Variants in SLC35F1 observed in about 807,000 individuals in gnomAD.
SLC35F1 encodes the protein chromosome 6 open reading frame 169.
A neutral mutation model predicts 48.7 loss-of-function variants in SLC35F1; 14 were observed. The observed-to-expected ratio is 0.29, with a 90% confidence interval of 0.19 to 0.45. The LOEUF (loss-of-function observed/expected upper bound fraction) is 0.45. Ranked by LOEUF, SLC35F1 falls within the 20% of genes least tolerant of loss-of-function variation. The probability of loss-of-function intolerance (pLI) is 1.00; values close to 1 mark genes in which losing one functional copy is unlikely to be tolerated. For synonymous variants in SLC35F1, 190 were observed against 202.2 expected (o/e 0.94, Z 0.51); for missense variants, 404 against 500.0 (o/e 0.81, Z 1.83).
intron 1 of SLC35F1, among the ~76,000 whole-genome samples, chr6:118,141,474 G>A (rs1223825417): frequency 6.6e-6 from 1 of 152,114 alleles, no homozygotes; most frequent in African/African-American, 2.4e-5. Context: ...CCATAGACTG[G>A]GTGGCTTATA....
Position 118,154,637 on chromosome 6 carries a change from A to T in SLC35F1, c.349+17A>T. 1 of 1,586,474 alleles carries T rather than the reference A, an allele frequency of 6.3e-7. No individual in the cohort carries two copies. Among genetic ancestry groups the T allele is most frequent in the African/African-American group, 1.4e-5 (1 of 73,936 alleles). Reference sequence around the variant, plus strand: ...TCAGACAAGGTAAGCTCACAAAAGCACCAGGAATATAACTTTTACAAACAC... The same window carrying T: ...TCAGACAAGGTAAGCTCACAAAAGCTCCAGGAATATAACTTTTACAAACAC... On this transcript the variant is annotated intron_variant, in intron 2 of 7. Coordinates refer to ENST00000360388, the MANE Select transcript of SLC35F1 (RefSeq NM_001029858.4).
intron 1 of SLC35F1, among the ~76,000 whole-genome samples, chr6:117,915,285 T>C (rs1423903088): frequency 1.3e-5 from 2 of 152,262 alleles, no homozygotes; most frequent in African/African-American, 2.4e-5. Context: ...CTTTATAGTA[T>C]AAAACATTAC....
chr6:118,066,055 T>C (rs1441104149), intron 1 of SLC35F1, among the ~76,000 whole-genome samples: 1 of 152,170 alleles, frequency 6.6e-6, no homozygotes, highest in Non-Finnish European at 1.5e-5. Context: ...AATCAGAAAT[T>C]GGGGACTGAC....
chr6:118,068,579 G>A (rs1772652117), intron 1 of SLC35F1, among the ~76,000 whole-genome samples: 1 of 152,146 alleles, frequency 6.6e-6, no homozygotes, highest in African/African-American at 2.4e-5. Context: ...TCTTTTGGCA[G>A]TATATTTGCC....
intron 1 of SLC35F1, among the ~76,000 whole-genome samples, chr6:117,950,510 G>A (rs1158451099): frequency 6.6e-6 from 1 of 152,134 alleles, no homozygotes; most frequent in African/African-American, 2.4e-5. Flanking sequence ...TGAGTACTCT[G>A]TACCAGCTGC....
At chr6:118,206,566 T>TA (rs961627179) in intron 2 of SLC35F1, among the ~76,000 whole-genome samples, 3 of 152,346 alleles carry the variant, frequency 2.0e-5, no homozygotes, top group Admixed American at 6.5e-5. Context: ...AGCAAAGTTA[T>TA]AAAAAATCAT....
chr6:118,223,828 C>T (rs531202005), intron 2 of SLC35F1, among the ~76,000 whole-genome samples: 1 of 152,342 alleles, frequency 6.6e-6, no homozygotes, highest in Admixed American at 6.5e-5. Flanking sequence ...AGAGTGCAGG[C>T]TGGCACCTTC....
intron 1 of SLC35F1, among the ~76,000 whole-genome samples, chr6:118,036,827 C>T (rs1365557872): frequency 6.6e-6 from 1 of 152,170 alleles, no homozygotes; most frequent in Admixed American, 6.5e-5. Flanking sequence ...TCCCAATATG[C>T]TGGGATTACA....
At position 118,203,537 on chromosome 6, in the gene SLC35F1, C is replaced by T. The variant is rs74530442; in HGVS notation, c.350-31972C>T. 9.4e-4 allele frequency among the ~76,000 whole-genome samples: 143 copies of T among 152,290 alleles called. 1 individual carries two copies. Among genetic ancestry groups the T allele is most frequent in the African/African-American group, 3.4e-3 (140 of 41,560 alleles). On this transcript the variant is annotated intron_variant, in intron 2 of 7. Transcript: ENST00000360388. The stretch of plus-strand genomic sequence containing the variant: ...CCACAGTGCTTAATCTAACTATCTC[C>T]CTCTGAGGGCTCTTTTTGCAGTGGA...
intron 1 of SLC35F1, among the ~76,000 whole-genome samples, chr6:118,019,724 C>T (rs1036973795): frequency 6.6e-6 from 1 of 152,052 alleles, no homozygotes; most frequent in Non-Finnish European, 1.5e-5. Flanking sequence ...TAATTAGTAC[C>T]CACTATTGAT....
At chr6:118,281,422 C>T (rs1294427919) in intron 6 of SLC35F1, among the ~76,000 whole-genome samples, 2 of 152,138 alleles carry the variant, frequency 1.3e-5, no homozygotes, top group Non-Finnish European at 2.9e-5. Flanking sequence ...ATCTTTTACC[C>T]TTTCCTCTGC....
chr6:118,249,363 A>G (rs1424772481), intron 3 of SLC35F1, among the ~76,000 whole-genome samples: 1 of 152,132 alleles, frequency 6.6e-6, no homozygotes, highest in East Asian at 1.9e-4. Context: ...TTCTCCCAAT[A>G]CTGCCTAGAT....
intron 1 of SLC35F1, among the ~76,000 whole-genome samples, chr6:118,098,870 G>T (rs1440871658): frequency 6.6e-6 from 1 of 152,152 alleles, no homozygotes; most frequent in African/African-American, 2.4e-5. Flanking sequence ...AAGAGGAGAA[G>T]CAGAGGGGAG....
chr6:118,286,912 T>G (rs1776058288), intron 7 of SLC35F1, among the ~76,000 whole-genome samples: 1 of 152,082 alleles, frequency 6.6e-6, no homozygotes, highest in African/African-American at 2.4e-5. Context: ...TCTCCAGAAC[T>G]TACTCATTTT....
chr6:118,249,022 G>A (rs922346662), intron 3 of SLC35F1, among the ~76,000 whole-genome samples: 2 of 152,208 alleles, frequency 1.3e-5, no homozygotes, highest in African/African-American at 4.8e-5. Flanking sequence ...AATGACTGCT[G>A]TCTATGAACC....
chr6:118,134,259 A>G (rs575256150), intron 1 of SLC35F1, among the ~76,000 whole-genome samples: 236 of 152,318 alleles, frequency 1.5e-3, no homozygotes, highest in African/African-American at 5.3e-3. Flanking sequence ...GTTGGACAAG[A>G]CATCTTGCTT....
Position 118,002,258 on chromosome 6 carries a change from A to C in SLC35F1, c.173+94359A>C, listed in dbSNP as rs1777110738. Among the ~76,000 whole-genome samples the C allele has an allele frequency of 2.0e-5, 3 of 152,300 alleles. No individual in the cohort carries two copies. The South Asian group carries it at 6.2e-4, about 32-fold the overall frequency. On this transcript the variant is annotated intron_variant, in intron 1 of 7. Coordinates refer to ENST00000360388, the MANE Select transcript of SLC35F1 (RefSeq NM_001029858.4). ...AAATGTGGCACATATACACCATGGA[A>C]TACTATGCAGCCATAAAAAATGAAG...
intron 2 of SLC35F1, among the ~76,000 whole-genome samples, chr6:118,169,217 A>G (rs770481260): frequency 1.3e-4 from 20 of 152,202 alleles, no homozygotes; most frequent in Non-Finnish European, 2.8e-4. Flanking sequence ...TGTAGCAATG[A>G]TCACTCCTTT....
chr6:118,048,151 T>G (rs1181875335), intron 1 of SLC35F1, among the ~76,000 whole-genome samples: 1 of 152,204 alleles, frequency 6.6e-6, no homozygotes, highest in African/African-American at 2.4e-5. Context: ...ATGTGGTTTT[T>G]GTCTTTAGTT....
Sources: allele counts gnomAD v4.1 joint callset (sites outside exome capture counted in the v4.1 genomes callset), GRCh38; gene constraint gnomAD v4.1.1; transcripts MANE v1.5; gene names NCBI Gene and HGNC (gene_info 2026-07-23, HGNC 2026-07-21).